The following ZCCHC17 variants were observed in gnomAD, a reference collection of about 807,000 sequenced individuals.
The protein encoded by ZCCHC17 is zinc finger CCHC-type containing 17, also known as zinc finger CCHC domain-containing protein 17.
A neutral mutation model predicts 30.6 loss-of-function variants in ZCCHC17; 18 were observed. That is an observed-to-expected ratio of 0.59 (90% CI 0.41 to 0.87). The LOEUF (loss-of-function observed/expected upper bound fraction) is 0.87, where lower values mean the gene tolerates loss of function less well. Among genes scored for constraint, ZCCHC17 ranks in the 40% least tolerant of loss-of-function variants. The pLI is 0.00. For synonymous variants in ZCCHC17, 88 were observed against 92.4 expected (o/e 0.95, Z 0.27); for missense variants, 263 against 284.2 (o/e 0.93, Z 0.54).
chr1:31,307,850 C>T (rs765410100), intron 1 of ZCCHC17, among the ~76,000 whole-genome samples: 2 of 152,224 alleles, frequency 1.3e-5, no homozygotes, highest in Non-Finnish European at 2.9e-5. Context: ...GCTGGGATTA[C>T]AGGCGTGAGC....
chr1:31,346,465 T>A (rs1639276597), intron 5 of ZCCHC17, 175 bp from the exon 6 acceptor site: 1 of 584,870 alleles, frequency 1.7e-6, no homozygotes, highest in Admixed American at 3.3e-5. Flanking sequence ...TCGTAATTGT[T>A]AATTTAGGGC....
chr1:31,299,724 A>G (rs4622114), intron 1 of ZCCHC17, among the ~76,000 whole-genome samples: 82,544 of 151,976 alleles, frequency 0.54, 23,325 homozygotes, highest in Non-Finnish European at 0.62. Flanking sequence ...TTTTATTGCA[A>G]TACATCCCTT....
chr1:31,328,819 C>T (rs1638462094), intron 3 of ZCCHC17, among the ~76,000 whole-genome samples: 1 of 152,148 alleles, frequency 6.6e-6, no homozygotes, highest in East Asian at 1.9e-4. Context: ...GTCTCTAGCT[C>T]CCAACCCTCC....
chr1:31,329,378 C>T (rs1194007040), intron 3 of ZCCHC17, among the ~76,000 whole-genome samples: 2 of 152,052 alleles, frequency 1.3e-5, no homozygotes, highest in Admixed American at 1.3e-4. Flanking sequence ...CTGTCTTCTG[C>T]CATCCAGCAC....
chr1:31,342,566 C>T (rs1036898663), intron 5 of ZCCHC17, among the ~76,000 whole-genome samples: 5 of 152,158 alleles, frequency 3.3e-5, no homozygotes, highest in Admixed American at 2.6e-4. Context: ...GGGTGCGCAA[C>T]CTAGATCCCT....
intron 2 of ZCCHC17, among the ~76,000 whole-genome samples, chr1:31,317,775 T>C (rs1646772454): frequency 2.0e-5 from 3 of 152,214 alleles, no homozygotes. Flanking sequence ...GATACACCTA[T>C]ACTATTCCAC....
chr1:31,319,104 T>C lies in ZCCHC17; in HGVS notation c.67-5T>C, dbSNP rs1426546537. 1.2e-6 allele frequency: 2 copies of C among 1,606,924 alleles called. No homozygotes were observed. Among genetic ancestry groups the C allele is most frequent in the Non-Finnish European group, 1.7e-6 (2 of 1,174,930 alleles). ...GACATTGATTTTTTTCCCCCATCTTTATAGGTTGCTATGGTGACAGACTAT... is the reference window on the plus strand; with the variant it reads ...GACATTGATTTTTTTCCCCCATCTTCATAGGTTGCTATGGTGACAGACTAT... On this transcript the variant is annotated splice_polypyrimidine_tract_variant and splice_region_variant and intron_variant, in intron 2 of 7. Transcript: ENST00000344147.
intron 3 of ZCCHC17, 148 bp from the exon 4 acceptor site, chr1:31,337,027 T>C: frequency 1.6e-6 from 1 of 622,676 alleles, no homozygotes; most frequent in Non-Finnish European, 2.7e-6. Flanking sequence ...TAAAAAGCAG[T>C]CTCAATTTGC....
intron 2 of ZCCHC17, among the ~76,000 whole-genome samples, chr1:31,315,543 G>A (rs537945216): frequency 6.6e-6 from 1 of 152,218 alleles, no homozygotes; most frequent in East Asian, 1.9e-4. Flanking sequence ...GGAGATTCAT[G>A]TTGGTAAGGT....
chr1:31,300,386 A>C (rs909194560), intron 1 of ZCCHC17, among the ~76,000 whole-genome samples: 14 of 152,108 alleles, frequency 9.2e-5, no homozygotes, highest in Non-Finnish European at 1.8e-4. Context: ...AGCACTTATC[A>C]CATTGCAGTG....
chr1:31,302,494 G>C (rs889905735), intron 1 of ZCCHC17, among the ~76,000 whole-genome samples: 1 of 152,170 alleles, frequency 6.6e-6, no homozygotes, highest in East Asian at 1.9e-4. Context: ...GCTCATCCTA[G>C]CTCTTCCATG....
intron 3 of ZCCHC17, among the ~76,000 whole-genome samples, chr1:31,332,687 CCAGGCTGGAGTGTAGTGG>C (rs1282119619): frequency 6.6e-6 from 1 of 151,486 alleles, no homozygotes; most frequent in East Asian, 1.9e-4. Flanking sequence ...TGCTTTGTCA[CCAGGCTGGAGTGTAGTGG>C]CATGATCCTG....
rs1638926739 is a variant in ZCCHC17 at position 31,338,981 on chromosome 1, T to G, written c.250T>G (p.Ser84Ala). The G allele has an allele frequency of 6.2e-7, 1 of 1,611,694 alleles. No individual in the cohort carries two copies. Among genetic ancestry groups the G allele is most frequent in the Non-Finnish European group, 8.5e-7 (1 of 1,179,492 alleles). ...GATGAAAAATGATAGAATAAAAGTATCCCTCTCCATGAAGGTTGTCAATCA... is the reference window on the plus strand; with the variant it reads ...GATGAAAAATGATAGAATAAAAGTAGCCCTCTCCATGAAGGTTGTCAATCA... ...REMKNDRIKV[S>A]LSMKVVNQGT... The change falls in exon 5 of 8, where the codon TCC becomes GCC. Residue 84 changes from serine to alanine, a missense_variant. Coordinates refer to ENST00000344147, the MANE Select transcript of ZCCHC17 (RefSeq NM_016505.4).
At chr1:31,298,431 G>A (rs892338278) in intron 1 of ZCCHC17, among the ~76,000 whole-genome samples, 1 of 151,220 alleles carries the variant, frequency 6.6e-6, no homozygotes, top group Non-Finnish European at 1.5e-5. Flanking sequence ...TGTCGCCCAG[G>A]CTGGAGTGTG....
rs537399415 is a variant in ZCCHC17, at chr1:31,297,032, G to A, written c.-99G>A. 69 of 464,130 alleles carry A rather than the reference G, an allele frequency of 1.5e-4. No homozygotes were observed. The highest frequency in any genetic ancestry group is 1.2e-3 in the African/African-American group (59 of 49,822). 28.8% of individuals were successfully genotyped at this position (464,130 alleles called of 1,614,324 possible). On this transcript the variant is annotated 5_prime_UTR_variant, in exon 1 of 8. Transcript: ENST00000344147. ...AACGCGCTGGCTGACTGGGGTCGGC[G>A]TTTAGTTCAGCGCAGCGACTCGGGG...
intron 7 of ZCCHC17, among the ~76,000 whole-genome samples, chr1:31,359,474 C>T (rs1046779656): frequency 2.0e-5 from 3 of 151,814 alleles, no homozygotes; most frequent in Non-Finnish European, 4.4e-5. Flanking sequence ...TCCAGTGAGC[C>T]GAGATCACAC....
Position 31,307,123 on chromosome 1 carries a change from A to G in ZCCHC17, c.-55-2921A>G, listed in dbSNP as rs545799187. Among the ~76,000 whole-genome samples the G allele has an allele frequency of 2.0e-5, 3 of 150,438 alleles. No individual in the cohort carries two copies. The East Asian group carries it at 5.8e-4, about 29-fold the overall frequency. ...AGCGCTGGGATTACAGGCGTGAGCCACTGTGCCTGGCTGATTTTTTTTTTT... is the reference window on the plus strand; with the variant it reads ...AGCGCTGGGATTACAGGCGTGAGCCGCTGTGCCTGGCTGATTTTTTTTTTT... On this transcript the variant is annotated intron_variant, in intron 1 of 7. Coordinates refer to ENST00000344147, the MANE Select transcript of ZCCHC17 (RefSeq NM_016505.4).
At chr1:31,310,239 C>G in intron 2 of ZCCHC17, 75 bp downstream of exon 2, 2 of 1,486,470 alleles carry the variant, frequency 1.3e-6, no homozygotes, top group Non-Finnish European at 1.9e-6. Flanking sequence ...GTTTGTTGTT[C>G]CTGTCCACTT....
Position 31,337,161 on chromosome 1 carries a change from C to G in ZCCHC17, c.125-14C>G. ...TGCCCTCTGCTTTACGTTATTTCTT[C>G]TTCTTGTGCCCAGGTCTGGTCCATC... On this transcript the variant is annotated splice_polypyrimidine_tract_variant and intron_variant, in intron 3 of 7. Transcript: ENST00000344147. 6.2e-7 allele frequency: 1 copy of G among 1,610,498 alleles called. No individual in the cohort carries two copies. The highest frequency in any genetic ancestry group is 1.1e-5 in the South Asian group (1 of 90,860).
Sources: allele counts gnomAD v4.1 joint callset (sites outside exome capture counted in the v4.1 genomes callset), GRCh38; gene constraint gnomAD v4.1.1; transcripts MANE v1.5; gene names NCBI Gene and HGNC (gene_info 2026-07-23, HGNC 2026-07-21).